The following UBE2Q2 variants were observed in gnomAD, a reference collection of about 807,000 sequenced individuals.
UBE2Q2 encodes the protein ubiquitin conjugating enzyme E2 Q2.
UBE2Q2 carries 54 observed loss-of-function variants against 59.9 expected under a neutral mutation model. That is an observed-to-expected ratio of 0.90 (90% CI 0.72 to 1.13). UBE2Q2 has a LOEUF of 1.13. Ranked by LOEUF, UBE2Q2 falls within the 50% of genes most tolerant of loss-of-function variation. UBE2Q2 has a pLI of 0.00. For missense variants in UBE2Q2, 433 were observed against 441.9 expected (o/e 0.98, Z 0.18); for synonymous variants, 165 against 155.2 (o/e 1.06, Z -0.47).
chr15:75,876,314 T>C (rs1470966262), intron 6 of UBE2Q2, 43 bp downstream of exon 6: 1 of 1,495,978 alleles, frequency 6.7e-7, no homozygotes, highest in Non-Finnish European at 9.2e-7. Flanking sequence ...ATTCTTCTGC[T>C]CTTTTCTATT....
intron 9 of UBE2Q2, among the ~76,000 whole-genome samples, chr15:75,884,147 G>C (rs1222414967): frequency 6.6e-6 from 1 of 152,148 alleles, no homozygotes; most frequent in Non-Finnish European, 1.5e-5. Context: ...ATCACAATTT[G>C]TTAGGTTAGT....
chr15:75,876,132 A>G (rs1307200770), intron 5 of UBE2Q2, 55 bp from the exon 6 acceptor site: 10 of 1,536,852 alleles, frequency 6.5e-6, no homozygotes, highest in East Asian at 4.5e-5. Context: ...TCAGGTTGAA[A>G]TATCTTAAAT....
At chr15:75,867,457 C>A (rs1034762126) in intron 3 of UBE2Q2, among the ~76,000 whole-genome samples, 2 of 152,230 alleles carry the variant, frequency 1.3e-5, no homozygotes, top group African/African-American at 4.8e-5. Flanking sequence ...TTTTAGTTCA[C>A]TAAGGGTATT....
At chr15:75,894,077 C>T (rs1899259206) in intron 11 of UBE2Q2, among the ~76,000 whole-genome samples, 1 of 152,138 alleles carries the variant, frequency 6.6e-6, no homozygotes, top group Admixed American at 6.6e-5. Flanking sequence ...AATTGTATAA[C>T]TCATGCAAAC....
Position 75,873,526 on chromosome 15 carries a change from A to G in UBE2Q2, c.546A>G (p.Ile182Met). 1 of 1,613,958 alleles carries G rather than the reference A, an allele frequency of 6.2e-7. No individual in the cohort carries two copies. The highest frequency in any genetic ancestry group is 2.2e-5 in the East Asian group (1 of 44,844). The change falls in exon 5 of 13, where the codon ATA (isoleucine) becomes ATG (methionine). Residue 182 changes from isoleucine (I) to methionine (M), a missense_variant. Transcript: ENST00000267938. The part of the protein sequence containing the change: ...DEGIEKENLA[I>M]LEKIRKTQRQ... ...GAATTGAAAAAGAAAATTTGGCAAT[A>G]TTAGAGAAAATTAGGAAGACTCAAA...
Position 75,865,804 on chromosome 15 carries a change from G to T in UBE2Q2, c.388-3147G>T, listed in dbSNP as rs79293903. On this transcript the variant is annotated intron_variant, in intron 3 of 12. Transcript: ENST00000267938. ...GTATATCCCTGAATAATATCTGGTTGTTTTTTTTTTTTTTAACCTAGAAAG... is the reference window on the plus strand; with the variant it reads ...GTATATCCCTGAATAATATCTGGTTTTTTTTTTTTTTTTTAACCTAGAAAG... 2.3e-3 allele frequency among the ~76,000 whole-genome samples: 202 copies of T among 86,286 alleles called. 1 individual carries two copies. The highest frequency in any genetic ancestry group is 5.4e-3 in the South Asian group (16 of 2,966). The allele number at this position is 86,286 out of a possible 152,430, so 56.6% of individuals were successfully genotyped here. A position where few individuals can be genotyped will look rare whatever the true frequency, so the allele number is the denominator to read the frequency against.
At chr15:75,871,626 A>T (rs1179950723) in intron 4 of UBE2Q2, among the ~76,000 whole-genome samples, 2 of 152,252 alleles carry the variant, frequency 1.3e-5, no homozygotes, top group Non-Finnish European at 2.9e-5. Context: ...CACATCTTGC[A>T]CAGCCCTTAA....
chr15:75,883,421 G>C lies in UBE2Q2; in HGVS notation c.881G>C (p.Gly294Ala). The C allele has an allele frequency of 6.2e-7, 1 of 1,611,424 alleles. No homozygotes were observed. Among genetic ancestry groups the C allele is most frequent in the African/African-American group, 1.3e-5 (1 of 74,878 alleles). ...FVRVVLPVLSGGYVLGGGALC... is the reference protein window; with the variant it reads ...FVRVVLPVLSAGYVLGGGALC... ...CGAGTGGTGTTACCTGTTCTCTCAG[G>C]AGGGTAAGTTTAAGTGACTACTTAA... The change falls in exon 9 of 13, where the codon GGA becomes GCA. Residue 294 changes from glycine to alanine, a missense_variant. Physicochemically the swap from Gly to Ala is moderately conservative, Grantham distance 60. Transcript: ENST00000267938.
chr15:75,897,521 C>T (rs562901179), intron 12 of UBE2Q2, among the ~76,000 whole-genome samples: 4 of 152,082 alleles, frequency 2.6e-5, no homozygotes, highest in African/African-American at 9.6e-5. Context: ...ACCACAAAAC[C>T]TTAACATTGT....
At chr15:75,851,146 T>C (rs574031357) in intron 1 of UBE2Q2, among the ~76,000 whole-genome samples, 1 of 152,152 alleles carries the variant, frequency 6.6e-6, no homozygotes, top group Non-Finnish European at 1.5e-5. Context: ...TTTTTTTTTT[T>C]TTTGAGATGG....
rs765080262 is a variant in UBE2Q2, at chr15:75,890,489, T to C, written c.933+6T>C. 1 of 1,608,528 alleles carries C rather than the reference T, an allele frequency of 6.2e-7. No individual in the cohort carries two copies. Among genetic ancestry groups the C allele is most frequent in the African/African-American group, 1.3e-5 (1 of 74,832 alleles). ...TGGAACTTCTCACAAAACAGGTGAC[T>C]TTTCTTACGATACTCCATTTTCACC... On this transcript the variant is annotated splice_donor_region_variant and intron_variant, in intron 10 of 12. Coordinates refer to ENST00000267938, the MANE Select transcript of UBE2Q2 (RefSeq NM_173469.4).
intron 5 of UBE2Q2, 92 bp from the exon 6 acceptor site, chr15:75,876,089 AGTGGTG>A: frequency 1.5e-6 from 1 of 682,918 alleles, no homozygotes; most frequent in Non-Finnish European, 2.4e-6. Context: ...AAAAATGTTG[AGTGGTG>A]ATCCATTTTT....
intron 4 of UBE2Q2, among the ~76,000 whole-genome samples, chr15:75,872,412 G>A (rs1270839643): frequency 6.6e-6 from 1 of 151,628 alleles, no homozygotes; most frequent in Non-Finnish European, 1.5e-5. Flanking sequence ...CAAAAAGTTA[G>A]GATTTAAATT....
At chr15:75,898,170 A>T (rs1293660000) in intron 12 of UBE2Q2, among the ~76,000 whole-genome samples, 1 of 152,210 alleles carries the variant, frequency 6.6e-6, no homozygotes, top group Non-Finnish European at 1.5e-5. Flanking sequence ...TAGAGAGCTT[A>T]GGTTTTTGCG....
chr15:75,878,193 A>T, intron 7 of UBE2Q2, 172 bp downstream of exon 7: 1 of 545,854 alleles, frequency 1.8e-6, no homozygotes, highest in South Asian at 3.1e-5. Context: ...CTGAGGTCTA[A>T]TAAGAAAGTG....
At chr15:75,880,058 A>G (rs910107827) in intron 8 of UBE2Q2, among the ~76,000 whole-genome samples, 1 of 152,106 alleles carries the variant, frequency 6.6e-6, no homozygotes, top group Non-Finnish European at 1.5e-5. Flanking sequence ...GTATATCTCT[A>G]TATTTTATGT....
At position 75,883,347 on chromosome 15, in the gene UBE2Q2, T is replaced by C; in HGVS notation, c.826-19T>C. On this transcript the variant is annotated intron_variant, in intron 8 of 12. Transcript: ENST00000267938. ...AGGATGTTCTTTAAATTAATTAAAC[T>C]TGCTTATTTGCTTTTTAGGATAACT... 1 of 1,607,766 alleles carries C rather than the reference T, an allele frequency of 6.2e-7. No homozygotes were observed. The highest frequency in any genetic ancestry group is 8.5e-7 in the Non-Finnish European group (1 of 1,174,996).
At chr15:75,879,229 G>T in intron 8 of UBE2Q2, 41 bp downstream of exon 8, 1 of 1,250,710 alleles carries the variant, frequency 8.0e-7, no homozygotes, top group Non-Finnish European at 1.1e-6. Flanking sequence ...TTCCAGTGGG[G>T]TGCGTATATT....
intron 1 of UBE2Q2, among the ~76,000 whole-genome samples, chr15:75,845,134 C>T (rs1169638970): frequency 1.3e-5 from 2 of 152,122 alleles, no homozygotes; most frequent in Non-Finnish European, 2.9e-5. Context: ...CCTGTGGTAT[C>T]ATCAGGAAAG....
Sources: allele counts gnomAD v4.1 joint callset (sites outside exome capture counted in the v4.1 genomes callset), GRCh38; gene constraint gnomAD v4.1.1; transcripts MANE v1.5; gene names NCBI Gene and HGNC (gene_info 2026-07-23, HGNC 2026-07-21).